RIC8B: variants seen among roughly 807,000 people sequenced by gnomAD.
RIC8B encodes RIC8 guanine nucleotide exchange factor B.
RIC8B carries 16 observed loss-of-function variants against 57.5 expected under a neutral mutation model. That is an observed-to-expected ratio of 0.28 (90% CI 0.19 to 0.42). The LOEUF is 0.42. RIC8B is among the 10% of genes least tolerant of loss of function. The pLI is 1.00. For synonymous variants in RIC8B, 216 were observed against 250.8 expected (o/e 0.86, Z 1.31); for missense variants, 481 against 677.0 (o/e 0.71, Z 3.21).
chr12:106,855,108 T>C (rs1949663640), intron 7 of RIC8B, among the ~76,000 whole-genome samples: 1 of 152,240 alleles, frequency 6.6e-6, no homozygotes, highest in Non-Finnish European at 1.5e-5. Flanking sequence ...TTTTATCGTA[T>C]TCATTAAATC....
At chr12:106,853,757 G>A (rs975177749) in intron 7 of RIC8B, among the ~76,000 whole-genome samples, 36 of 151,974 alleles carry the variant, frequency 2.4e-4, no homozygotes, top group Middle Eastern at 3.4e-3. Context: ...ATGAGCCACC[G>A]CACCTGACCT....
chr12:106,796,980 T>C (rs1283843274), intron 2 of RIC8B, among the ~76,000 whole-genome samples: 1 of 152,176 alleles, frequency 6.6e-6, no homozygotes, highest in African/African-American at 2.4e-5. Flanking sequence ...TATCAATTCA[T>C]ACCCACTAGG....
intron 4 of RIC8B, among the ~76,000 whole-genome samples, chr12:106,838,853 G>A (rs1325949578): frequency 6.6e-6 from 1 of 151,730 alleles, no homozygotes; most frequent in East Asian, 1.9e-4. Flanking sequence ...TTTTAAAATG[G>A]GCAAAGAACC....
At chr12:106,858,057 T>G (rs1294968989) in intron 7 of RIC8B, among the ~76,000 whole-genome samples, 1 of 152,212 alleles carries the variant, frequency 6.6e-6, no homozygotes, top group Non-Finnish European at 1.5e-5. Flanking sequence ...GGGCTTTTAC[T>G]GTTAACTGGC....
chr12:106,808,564 T>A (rs559883520), intron 2 of RIC8B, among the ~76,000 whole-genome samples: 1 of 152,184 alleles, frequency 6.6e-6, no homozygotes, highest in Admixed American at 6.5e-5. Context: ...ATAATAAAAA[T>A]TAATCACTAA....
rs747101632 is a variant in RIC8B, at chr12:106,879,158, A to C, written c.1572-6746A>C. On this transcript the variant is annotated intron_variant, in intron 9 of 9. Coordinates refer to ENST00000392837, the MANE Select transcript of RIC8B (RefSeq NM_001330145.2). This position sits in a 1 kb window ranked among gnomAD's most constrained non-coding sequence, Gnocchi z 4.9. ...CGAAGGGACTCTTGGGAGATCTGCA[A>C]GTGGGAAACAAGAATGCATTTTACC... is the stretch of plus-strand genomic sequence containing the variant. 28 of 985,838 alleles carry C rather than the reference A, an allele frequency of 2.8e-5. No individual in the cohort carries two copies. The highest frequency in any genetic ancestry group is 3.4e-5 in the Non-Finnish European group (28 of 829,914). The allele number at this position is 985,838 out of a possible 1,614,324, so 61.1% of individuals were successfully genotyped here.
At chr12:106,801,916 C>T (rs2044751251) in intron 2 of RIC8B, among the ~76,000 whole-genome samples, 1 of 152,086 alleles carries the variant, frequency 6.6e-6, no homozygotes, top group South Asian at 2.1e-4. Flanking sequence ...CCTCTTGTTC[C>T]CCCCTACATA....
chr12:106,871,485 A>C (rs1228295973), intron 9 of RIC8B: 7 of 142,404 alleles, frequency 4.9e-5, no homozygotes, highest in Admixed American at 1.4e-4. Flanking sequence ...AAAAAAAAAA[A>C]AAAAAAAAAA....
In RIC8B at chr12:106,880,466, C is replaced by T. The variant is rs76085134; in HGVS notation, c.1572-5438C>T. Among the ~76,000 whole-genome samples, 533 of 152,000 alleles carry T rather than the reference C, an allele frequency of 3.5e-3. 3 individuals carry two copies. The highest frequency in any genetic ancestry group is 0.012 in the African/African-American group (502 of 41,458). The stretch of plus-strand genomic sequence containing the variant: ...ACTTTATAGATGGGGAGACTCAAGC[C>T]CAGAGAGGCAAGTGACCTGCCCAAG... On this transcript the variant is annotated intron_variant, in intron 9 of 9. Transcript: ENST00000392837.
At chr12:106,809,801 ATCCTC>A (rs1298553129) in intron 2 of RIC8B, among the ~76,000 whole-genome samples, 1 of 151,966 alleles carries the variant, frequency 6.6e-6, no homozygotes, top group Admixed American at 6.6e-5. Context: ...TGGGGTATCC[ATCCTC>A]TCAAACTTTT....
At chr12:106,866,175 T>G (rs1015507379) in intron 8 of RIC8B, among the ~76,000 whole-genome samples, 4 of 142,750 alleles carry the variant, frequency 2.8e-5, no homozygotes, top group Non-Finnish European at 5.9e-5. Context: ...GGAGTTTTTG[T>G]TTTTTTGTTT....
intron 3 of RIC8B, chr12:106,823,501 T>C (rs559103458): frequency 1.8e-5 from 8 of 454,118 alleles, no homozygotes; most frequent in Non-Finnish European, 3.5e-5. Flanking sequence ...ACCAAATGGA[T>C]AGATTTCCAA....
At chr12:106,872,011 T>C (rs1950452001) in intron 9 of RIC8B, among the ~76,000 whole-genome samples, 1 of 152,234 alleles carries the variant, frequency 6.6e-6, no homozygotes, top group African/African-American at 2.4e-5. Flanking sequence ...AGAAGTTGTT[T>C]AGGAGTAAAT....
At chr12:106,833,950 C>G (rs144393310) in intron 4 of RIC8B, among the ~76,000 whole-genome samples, 1 of 152,130 alleles carries the variant, frequency 6.6e-6, no homozygotes, top group African/African-American at 2.4e-5. Context: ...TTCTTGCTGC[C>G]GCTCTTGCTG....
In RIC8B at chr12:106,842,696, T is replaced by C. The variant is rs778320395; in HGVS notation, c.944T>C (p.Leu315Pro). 1.2e-6 allele frequency: 2 copies of C among 1,613,964 alleles called. No individual in the cohort carries two copies. Among genetic ancestry groups the C allele is most frequent in the South Asian group, 2.2e-5 (2 of 91,074 alleles). Reference sequence around the variant, plus strand: ...CAAGAGGCAACGACTCTAGATGAACTGCCCAGTAATAAAACAGCTGAGAAA... The same window carrying C: ...CAAGAGGCAACGACTCTAGATGAACCGCCCAGTAATAAAACAGCTGAGAAA... ...TAQEATTLDE[L>P]PSNKTAEKET... Residue 315 changes from leucine to proline, a missense_variant, in exon 5 of 10, where the codon CTG becomes CCG. Around this residue, in one of 3 missense-constraint regions of RIC8B, gnomAD observed 421 missense variants for 560.9 expected, o/e 0.75. Coordinates refer to ENST00000392837, the MANE Select transcript of RIC8B (RefSeq NM_001330145.2).
intron 4 of RIC8B, among the ~76,000 whole-genome samples, chr12:106,834,092 T>C (rs1357537194): frequency 2.0e-5 from 3 of 152,236 alleles, no homozygotes; most frequent in Non-Finnish European, 2.9e-5. Flanking sequence ...AACCTTTCTT[T>C]ATAAATTACC....
In RIC8B at chr12:106,842,743, A is replaced by G. The variant is rs1949013777; in HGVS notation, c.991A>G (p.Thr331Ala). The stretch of plus-strand genomic sequence containing the variant: ...GAAAGAAACAGTTTTGAAAAACAAT[A>G]CCATGGTATACAATGGTATGAATAT... ...AEKETVLKNN[T>A]MVYNGMNMEA... The change falls in exon 5 of 10, where the codon ACC becomes GCC. Residue 331 changes from threonine to alanine, a missense_variant. Thr to Ala is a moderately conservative substitution (Grantham distance 58, BLOSUM62 0). Transcript: ENST00000392837. 6.2e-7 allele frequency: 1 copy of G among 1,613,790 alleles called. No homozygotes were observed. The highest frequency in any genetic ancestry group is 1.3e-5 in the African/African-American group (1 of 74,926).
intron 1 of RIC8B, among the ~76,000 whole-genome samples, chr12:106,778,796 A>G (rs2043608571): frequency 6.6e-6 from 1 of 152,198 alleles, no homozygotes; most frequent in Non-Finnish European, 1.5e-5. Context: ...ATTCCTCAAT[A>G]TCCAAAGGGG....
intron 9 of RIC8B, 119 bp from the exon 10 acceptor site, chr12:106,885,785 A>G (rs1354976478): frequency 1.6e-6 from 1 of 619,956 alleles, no homozygotes; most frequent in East Asian, 2.8e-5. Context: ...TCAAGGGAAA[A>G]TACTTTGGTT....
Sources: allele counts gnomAD v4.1 joint callset (sites outside exome capture counted in the v4.1 genomes callset), GRCh38; gene constraint gnomAD v4.1.1; regional missense constraint gnomAD v4.1.1; non-coding constraint Gnocchi (gnomAD v3.1); transcripts MANE v1.5; gene names NCBI Gene and HGNC (gene_info 2026-07-23, HGNC 2026-07-21).